The following PCDH15 variants were observed in gnomAD, a reference collection of about 807,000 sequenced individuals.
PCDH15 encodes the protein protocadherin-15.
Under a neutral mutation model 178.5 loss-of-function variants are expected in PCDH15, and 129 were observed. The ratio of observed to expected loss-of-function variants is 0.72; its 90% CI spans 0.63 to 0.84. The LOEUF is 0.84. Among genes scored for constraint, PCDH15 ranks in the 40% least tolerant of loss-of-function variants. PCDH15 has a pLI of 0.00. For missense variants in PCDH15, 2,230 were observed against 2,099.9 expected (o/e 1.06, Z -1.21); for synonymous variants, 800 against 732.0 (o/e 1.09, Z -1.50).
At chr10:54,169,283 G>A (rs1169714411) in intron 13 of PCDH15, among the ~76,000 whole-genome samples, 2 of 59,504 alleles carry the variant, frequency 3.4e-5, no homozygotes, top group African/African-American at 1.8e-4. Context: ...CCGAGCTTCG[G>A]GTAACTCTCA....
At chr10:55,254,727 A>G (rs1419902289) in intron 1 of PCDH15, among the ~76,000 whole-genome samples, 1 of 152,232 alleles carries the variant, frequency 6.6e-6, no homozygotes, top group African/African-American at 2.4e-5. Context: ...GTGCTATGAC[A>G]TTTCATAAAT....
chr10:55,300,945 T>C (rs1032953650), intron 1 of PCDH15, among the ~76,000 whole-genome samples: 2 of 152,202 alleles, frequency 1.3e-5, no homozygotes, highest in African/African-American at 4.8e-5. Flanking sequence ...ATATCTCTCA[T>C]GGTGCCCTTT....
At chr10:54,218,529 T>C (rs1018691203) in intron 9 of PCDH15, among the ~76,000 whole-genome samples, 1 of 151,110 alleles carries the variant, frequency 6.6e-6, no homozygotes, top group African/African-American at 2.5e-5. Flanking sequence ...TTTCTATCTC[T>C]TCCCTCTCTC....
intron 8 of PCDH15, among the ~76,000 whole-genome samples, chr10:54,309,975 G>C (rs1488237784): frequency 6.6e-6 from 1 of 152,024 alleles, no homozygotes; most frequent in Non-Finnish European, 1.5e-5. Context: ...ATCACAAAGA[G>C]AAACTATTAG....
chr10:55,197,884 TAA>T (rs1011999741), intron 1 of PCDH15, among the ~76,000 whole-genome samples: 5 of 152,144 alleles, frequency 3.3e-5, no homozygotes. Context: ...CATAATTCTT[TAA>T]AATGGATGGA....
intron 2 of PCDH15, among the ~76,000 whole-genome samples, chr10:55,408,555 A>T (rs1424172231): frequency 6.6e-6 from 1 of 152,192 alleles, no homozygotes; most frequent in Non-Finnish European, 1.5e-5. Flanking sequence ...TTGCTCAAGA[A>T]CATAAATTTG....
chr10:54,419,388 A>C (rs1453943077), intron 3 of PCDH15, among the ~76,000 whole-genome samples: 1 of 151,178 alleles, frequency 6.6e-6, no homozygotes, highest in Non-Finnish European at 1.5e-5. Context: ...AATTTTGTGT[A>C]GCTCTACCTC....
At chr10:55,612,550 C>T (rs979847686) in intron 2 of PCDH15, among the ~76,000 whole-genome samples, 19 of 152,172 alleles carry the variant, frequency 1.2e-4, no homozygotes, top group African/African-American at 4.6e-4. Context: ...TTACAACTCC[C>T]ATTATACTGA....
intron 1 of PCDH15, among the ~76,000 whole-genome samples, chr10:55,210,566 A>C (rs1306626883): frequency 2.5e-5 from 3 of 117,870 alleles, no homozygotes; most frequent in African/African-American, 9.1e-5. Flanking sequence ...TGCGGGGGGA[A>C]AAAAAAGCTA....
At chr10:54,445,521 A>G (rs1201517385) in intron 3 of PCDH15, among the ~76,000 whole-genome samples, 1 of 151,558 alleles carries the variant, frequency 6.6e-6, no homozygotes, top group Non-Finnish European at 1.5e-5. Flanking sequence ...AAAATATGTC[A>G]TCATTACTTC....
Position 55,121,129 on chromosome 10 carries a change from G to C in PCDH15, c.-80+45447C>G, listed in dbSNP as rs191224073. ...TGCACCGAACTCATGGGGATGCGGT[G>C]CTTTAGAGCCTTAGGGTTGGAAACC... On this transcript the variant is annotated intron_variant, in intron 2 of 5. Coordinates refer to the PCDH15 transcript ENST00000458638. Among the ~76,000 whole-genome samples, 312 of 152,222 alleles carry C rather than the reference G, an allele frequency of 2.0e-3. 1 individual carries two copies. The highest frequency in any genetic ancestry group is 7.4e-3 in the African/African-American group (306 of 41,550).
At chr10:53,856,906 T>A (rs1207482787) in intron 28 of PCDH15, among the ~76,000 whole-genome samples, 1 of 152,018 alleles carries the variant, frequency 6.6e-6, no homozygotes, top group East Asian at 1.9e-4. Context: ...AATGGGTACA[T>A]GCAGACATAA....
At chr10:54,122,006 C>G (rs924812847) in intron 15 of PCDH15, among the ~76,000 whole-genome samples, 24 of 147,512 alleles carry the variant, frequency 1.6e-4, no homozygotes, top group East Asian at 3.9e-4. Flanking sequence ...GACACATACA[C>G]ACACACACAC....
intron 23 of PCDH15, among the ~76,000 whole-genome samples, chr10:53,948,720 A>G (rs1304481208): frequency 6.6e-6 from 1 of 152,146 alleles, no homozygotes; most frequent in East Asian, 1.9e-4. Context: ...GAGGATATGC[A>G]TATGTCATTT....
chr10:55,477,244 C>T (rs1840080853), intron 2 of PCDH15, among the ~76,000 whole-genome samples: 2 of 151,686 alleles, frequency 1.3e-5, no homozygotes, highest in Non-Finnish European at 2.9e-5. Flanking sequence ...GTAAAAGAGA[C>T]ATGAAGGACA....
chr10:55,441,060 G>A (rs1400544032), intron 2 of PCDH15, among the ~76,000 whole-genome samples: 1 of 152,044 alleles, frequency 6.6e-6, no homozygotes. Flanking sequence ...ATTTGGGTGG[G>A]GACACAGCCA....
chr10:54,775,063 ATAT>A (rs1305661203), intron 1 of PCDH15, among the ~76,000 whole-genome samples: 1 of 152,178 alleles, frequency 6.6e-6, no homozygotes, highest in Non-Finnish European at 1.5e-5. Flanking sequence ...TATGCAGGAC[ATAT>A]TATAAAAGAA....
intron 2 of PCDH15, among the ~76,000 whole-genome samples, chr10:55,467,167 A>G (rs538646559): frequency 6.6e-6 from 1 of 152,318 alleles, no homozygotes; most frequent in Non-Finnish European, 1.5e-5. Context: ...AGCTAGGGCA[A>G]TGCCCCAGTT....
At chr10:54,170,855 T>C (rs955888411) in intron 13 of PCDH15, among the ~76,000 whole-genome samples, 1 of 151,860 alleles carries the variant, frequency 6.6e-6, no homozygotes, top group Non-Finnish European at 1.5e-5. Flanking sequence ...CGTGGAAATC[T>C]ATCCTCAAGG....
Sources: gnomAD v4.1 joint callset for allele counts (sites outside exome capture counted in the v4.1 genomes callset) on GRCh38, gnomAD v4.1.1 for gene constraint, MANE v1.5 for transcripts, NCBI Gene and HGNC (gene_info 2026-07-23, HGNC 2026-07-21) for gene names.